PRCP: variants seen among roughly 807,000 people sequenced by gnomAD.
PRCP encodes the protein prolylcarboxypeptidase, also known as lysosomal Pro-X carboxypeptidase.
PRCP carries 46 observed loss-of-function variants against 54.2 expected under a neutral mutation model. That is an observed-to-expected ratio of 0.85 (90% CI 0.67 to 1.09). The LOEUF (loss-of-function observed/expected upper bound fraction) is 1.09. Among genes scored for constraint, PRCP ranks in the 50% least tolerant of loss-of-function variants. The pLI is 0.00. For synonymous variants in PRCP, 240 were observed against 212.2 expected (o/e 1.13, Z -1.14); for missense variants, 613 against 596.8 (o/e 1.03, Z -0.28).
chr11:82,900,021 A>T, intron 1 of PRCP: 1 of 597,914 alleles, frequency 1.7e-6, no homozygotes, highest in Non-Finnish European at 2.9e-6. Context: ...AAGAGTATGC[A>T]GCCAAAACTA....
At chr11:82,865,548 T>G (rs1859311049) in intron 1 of PRCP, among the ~76,000 whole-genome samples, 1 of 152,230 alleles carries the variant, frequency 6.6e-6, no homozygotes, top group Non-Finnish European at 1.5e-5. Context: ...TTGGATTTAT[T>G]CAGGCACCCA....
chr11:82,851,508 C>T (rs774486927), intron 3 of PRCP, among the ~76,000 whole-genome samples: 1 of 150,060 alleles, frequency 6.7e-6, no homozygotes, highest in Non-Finnish European at 1.5e-5. Flanking sequence ...ATATGAGAGG[C>T]TCTCCAGCCC....
chr11:82,833,236 G>A (rs966593181), intron 8 of PRCP, among the ~76,000 whole-genome samples: 2 of 152,184 alleles, frequency 1.3e-5, no homozygotes, highest in African/African-American at 4.8e-5. Context: ...AGATAGAAAC[G>A]CAAACAGGTA....
At chr11:82,886,660 A>G (rs1859870243) in intron 1 of PRCP, among the ~76,000 whole-genome samples, 1 of 152,182 alleles carries the variant, frequency 6.6e-6, no homozygotes, top group Non-Finnish European at 1.5e-5. Context: ...AACATGGTAC[A>G]AGGGCTGTGA....
At chr11:82,832,417 C>A (rs1858410041) in intron 8 of PRCP, among the ~76,000 whole-genome samples, 1 of 152,178 alleles carries the variant, frequency 6.6e-6, no homozygotes, top group Admixed American at 6.6e-5. Flanking sequence ...GAAATGGTGT[C>A]TCATTGTGGT....
intron 1 of PRCP, among the ~76,000 whole-genome samples, chr11:82,863,428 A>T (rs10898043): frequency 6.6e-6 from 1 of 151,936 alleles, no homozygotes; most frequent in Non-Finnish European, 1.5e-5. Context: ...ACCTTTCGAA[A>T]CTCAGCAGGT....
At chr11:82,841,118 C>T (rs1412961175) in intron 6 of PRCP, among the ~76,000 whole-genome samples, 2 of 107,546 alleles carry the variant, frequency 1.9e-5, no homozygotes, top group African/African-American at 8.0e-5. Context: ...GCCCAGTCAC[C>T]CCACCTCAGG....
At chr11:82,845,031 T>C (rs1330057948) in intron 6 of PRCP, among the ~76,000 whole-genome samples, 1 of 107,596 alleles carries the variant, frequency 9.3e-6, no homozygotes, top group East Asian at 2.2e-4. Context: ...AAGTATGTAA[T>C]AGTAAAAAAA....
chr11:82,861,206 C>G (rs1488304355), intron 1 of PRCP, among the ~76,000 whole-genome samples: 2 of 152,066 alleles, frequency 1.3e-5, no homozygotes, highest in Non-Finnish European at 2.9e-5. Context: ...ACCTGCCTGT[C>G]CAACAGAACT....
At chr11:82,831,876 A>AC (rs1404362608) in intron 8 of PRCP, among the ~76,000 whole-genome samples, 1 of 148,100 alleles carries the variant, frequency 6.8e-6, no homozygotes, top group East Asian at 2.0e-4. Flanking sequence ...CCCAACCCTC[A>AC]CCCCCCGACA....
chr11:82,884,926 G>T, intron 1 of PRCP: 1 of 1,609,080 alleles, frequency 6.2e-7, no homozygotes, highest in Non-Finnish European at 8.5e-7. Context: ...AATATATTTT[G>T]AAAGGTTTTA....
In PRCP at chr11:82,860,004, C is replaced by T; in HGVS notation, c.282G>A (p.Gly94=). 4 of 1,587,354 alleles carry T rather than the reference C, an allele frequency of 2.5e-6. No homozygotes were observed. The highest frequency in any genetic ancestry group is 1.2e-5 in the South Asian group (1 of 86,504). Residue 94 remains glycine (G), a synonymous_variant, in exon 2 of 9, where the codon GGG becomes GGA. Coordinates refer to ENST00000313010, the MANE Select transcript of PRCP (RefSeq NM_005040.4). ...TGTTATTACAAAACCAGATAATGTC[C>T]CCTTCATTACCAGTGTAGAAAAGTA... The part of the protein sequence containing the change: ...GSILFYTGNE[G]DIIWFCNNTG...
chr11:82,860,511 G>A (rs1240778345), intron 1 of PRCP, among the ~76,000 whole-genome samples: 4 of 151,816 alleles, frequency 2.6e-5, no homozygotes, highest in Admixed American at 1.3e-4. Flanking sequence ...TCTGAAATAC[G>A]TATATGCTGT....
At chr11:82,877,360 C>T (rs112125293) in intron 1 of PRCP, among the ~76,000 whole-genome samples, 2,194 of 152,242 alleles carry the variant, frequency 0.014, 50 homozygotes, top group African/African-American at 0.049. Context: ...GCAAGGAGCC[C>T]AATGTTAATC....
intron 1 of PRCP, among the ~76,000 whole-genome samples, chr11:82,883,385 C>A (rs1314404052): frequency 6.6e-6 from 1 of 152,090 alleles, no homozygotes; most frequent in African/African-American, 2.4e-5. Context: ...TAGACAGCAG[C>A]ACTATGTAAG....
chr11:82,873,523 T>G (rs969080419), intron 1 of PRCP, among the ~76,000 whole-genome samples: 1 of 152,236 alleles, frequency 6.6e-6, no homozygotes, highest in African/African-American at 2.4e-5. Context: ...AAGAAATTGA[T>G]AGAAGGTAAT....
At chr11:82,879,794 G>T (rs1859702078) in intron 1 of PRCP, among the ~76,000 whole-genome samples, 2 of 152,194 alleles carry the variant, frequency 1.3e-5, no homozygotes, top group Admixed American at 1.3e-4. Context: ...GAGTTTGCTG[G>T]AGGTCCCTTC....
At chr11:82,888,011 T>C (rs1033328083) in intron 1 of PRCP, among the ~76,000 whole-genome samples, 32 of 152,038 alleles carry the variant, frequency 2.1e-4, no homozygotes, top group Non-Finnish European at 1.5e-5. Flanking sequence ...AAATGAAGAG[T>C]TTCCCCTGAG....
intron 6 of PRCP, among the ~76,000 whole-genome samples, chr11:82,848,069 T>TA (rs1189198044): frequency 6.6e-6 from 1 of 152,214 alleles, no homozygotes; most frequent in African/African-American, 2.4e-5. Context: ...TTGTTTAAGT[T>TA]ACAAATTTTT....
Sources: gnomAD v4.1 joint callset for allele counts (sites outside exome capture counted in the v4.1 genomes callset) on GRCh38, gnomAD v4.1.1 for gene constraint, MANE v1.5 for transcripts, NCBI Gene and HGNC (gene_info 2026-07-23, HGNC 2026-07-21) for gene names.